The following TMPRSS4 variants were observed in gnomAD, a reference collection of about 807,000 sequenced individuals.
TMPRSS4 encodes the protein transmembrane serine protease 4.
TMPRSS4 carries 45 observed loss-of-function variants against 56.4 expected under a neutral mutation model. The ratio of observed to expected loss-of-function variants is 0.80; its 90% CI spans 0.63 to 1.02. The LOEUF is 1.02. Ranked by LOEUF, TMPRSS4 falls within the 50% of genes least tolerant of loss-of-function variation. TMPRSS4 has a pLI of 0.00. For synonymous variants in TMPRSS4, 205 were observed against 211.0 expected (o/e 0.97, Z 0.25); for missense variants, 546 against 556.7 (o/e 0.98, Z 0.19).
chr11:118,093,678 A>G (rs1946112005), intron 1 of TMPRSS4, among the ~76,000 whole-genome samples: 1 of 152,198 alleles, frequency 6.6e-6, no homozygotes, highest in Admixed American at 6.5e-5. Context: ...GCACATATGT[A>G]GTAAAGTACT....
downstream of TMPRSS4, among the ~76,000 whole-genome samples, chr11:118,124,568 C>G (rs1246375073): frequency 6.6e-6 from 1 of 151,948 alleles, no homozygotes; most frequent in African/African-American, 2.4e-5. Flanking sequence ...CTTATATAAA[C>G]ACAATATAAA....
intron 3 of TMPRSS4, among the ~76,000 whole-genome samples, chr11:118,101,955 T>C (rs1331511495): frequency 2.0e-5 from 3 of 152,186 alleles, no homozygotes; most frequent in Non-Finnish European, 4.4e-5. Flanking sequence ...TCTCTTTTTT[T>C]CTTAATTTTA....
Position 118,119,254 on chromosome 11 carries a change from A to T in TMPRSS4, c.*1341A>T. Reference sequence around the variant, plus strand: ...GGTCGAGACCTATATGAAGGCTGGCAGTGGAGCTAAACCTGGACACACTGA... The same window carrying T: ...GGTCGAGACCTATATGAAGGCTGGCTGTGGAGCTAAACCTGGACACACTGA... On this transcript the variant is annotated 3_prime_UTR_variant, in exon 13 of 13. Transcript: ENST00000437212. The T allele has an allele frequency of 1.0e-6, 1 of 985,476 alleles. No homozygotes were observed. The highest frequency in any genetic ancestry group is 1.2e-6 in the Non-Finnish European group (1 of 829,944). 61.0% of individuals were successfully genotyped at this position (985,476 alleles called of 1,614,324 possible).
At chr11:118,098,490 T>C (rs1946535303) in intron 2 of TMPRSS4, among the ~76,000 whole-genome samples, 2 of 152,224 alleles carry the variant, frequency 1.3e-5, no homozygotes, top group South Asian at 2.1e-4. Context: ...GTTTGTGGGA[T>C]TGAGGATGCA....
chr11:118,104,002 G>T (rs1216307711), intron 4 of TMPRSS4, among the ~76,000 whole-genome samples: 2 of 152,186 alleles, frequency 1.3e-5, no homozygotes, highest in Non-Finnish European at 1.5e-5. Flanking sequence ...ACTGAGCCAG[G>T]TCCTTTCAAT....
intron 3 of TMPRSS4, among the ~76,000 whole-genome samples, chr11:118,100,109 T>G (rs186872541): frequency 6.6e-6 from 1 of 152,248 alleles, no homozygotes; most frequent in East Asian, 1.9e-4. Flanking sequence ...TGCTGCTGCG[T>G]GACCTTGAGT....
intron 7 of TMPRSS4, among the ~76,000 whole-genome samples, chr11:118,110,487 A>T (rs1054580479): frequency 1.3e-5 from 2 of 151,966 alleles, no homozygotes; most frequent in African/African-American, 4.8e-5. Context: ...GATTACAGGC[A>T]CCCGTCACCA....
chr11:118,079,170 G>A (rs866540660), intron 1 of TMPRSS4, among the ~76,000 whole-genome samples: 2 of 152,082 alleles, frequency 1.3e-5, no homozygotes, highest in African/African-American at 2.4e-5. Flanking sequence ...TTCTAGCCCC[G>A]GAGCTAGCCA....
rs1947692158 is a variant in TMPRSS4, at chr11:118,118,801, C to T, written c.*888C>T. 9 of 985,430 alleles carry T rather than the reference C, an allele frequency of 9.1e-6. No homozygotes were observed. Among genetic ancestry groups the T allele is most frequent in the Non-Finnish European group, 1.1e-5 (9 of 829,940 alleles). The allele number at this position is 985,430 out of a possible 1,614,324, so 61.0% of individuals were successfully genotyped here. On this transcript the variant is annotated 3_prime_UTR_variant, in exon 13 of 13. Transcript: ENST00000437212. Reference sequence around the variant, plus strand: ...CATTCAATCAGGGATCCACAAGTGGCTGGAAAGAAATGCTGGTCCTGTGTC... The same window carrying T: ...CATTCAATCAGGGATCCACAAGTGGTTGGAAAGAAATGCTGGTCCTGTGTC...
chr11:118,100,072 C>T lies in TMPRSS4; in HGVS notation c.157+974C>T, dbSNP rs78609718. Among the ~76,000 whole-genome samples the T allele has an allele frequency of 8.5e-3, 1,295 of 152,184 alleles. 43 individuals carry two copies. In the East Asian group the frequency reaches 0.12, roughly 14 times the overall value. On this transcript the variant is annotated intron_variant, in intron 3 of 12. Coordinates refer to ENST00000437212, the MANE Select transcript of TMPRSS4 (RefSeq NM_019894.4). The stretch of plus-strand genomic sequence containing the variant: ...GGACCAGACTAGGAATCAGGACACC[C>T]GAGACAGGGATTCTGGCTCTGCCTC...
intron 1 of TMPRSS4, among the ~76,000 whole-genome samples, chr11:118,081,590 CCCTGTCCAGGCGTGCGCA>C (rs1945140870): frequency 6.6e-6 from 1 of 152,198 alleles, no homozygotes; most frequent in Non-Finnish European, 1.5e-5. Context: ...ACATGATGGC[CCCTGTCCAGGCGTGCGCA>C]CCTGTCCAGG....
chr11:118,113,352 T>C lies in TMPRSS4; in HGVS notation c.827T>C (p.Ile276Thr). 2 of 1,614,104 alleles carry C rather than the reference T, an allele frequency of 1.2e-6. No homozygotes were observed. Among genetic ancestry groups the C allele is most frequent in the African/African-American group, 1.3e-5 (1 of 75,038 alleles). ...TTCCCATCCCTGGCTGTGGCCAAGATCATCATCATTGAATTCAACCCCATG... is the reference window on the plus strand; with the variant it reads ...TTCCCATCCCTGGCTGTGGCCAAGACCATCATCATTGAATTCAACCCCATG... ...GSFPSLAVAK[I>T]IIIEFNPMYP... Residue 276 changes from isoleucine to threonine, a missense_variant, in exon 9 of 13, where the codon ATC (isoleucine) becomes ACC (threonine). Ile to Thr is a moderately conservative substitution (Grantham distance 89). Coordinates refer to ENST00000437212, the MANE Select transcript of TMPRSS4 (RefSeq NM_019894.4).
At chr11:118,091,399 C>T (rs1945951424) in intron 1 of TMPRSS4, among the ~76,000 whole-genome samples, 1 of 152,162 alleles carries the variant, frequency 6.6e-6, no homozygotes, top group African/African-American at 2.4e-5. Context: ...CTAGAGCTCC[C>T]ATTCTCAGTC....
In TMPRSS4 at chr11:118,118,804, G is replaced by A; in HGVS notation, c.*891G>A. 1.0e-6 allele frequency: 1 copy of A among 985,440 alleles called. No individual in the cohort carries two copies. The highest frequency in any genetic ancestry group is 1.2e-6 in the Non-Finnish European group (1 of 829,936). 61.0% of individuals were successfully genotyped at this position (985,440 alleles called of 1,614,324 possible). On this transcript the variant is annotated 3_prime_UTR_variant, in exon 13 of 13. Coordinates refer to ENST00000437212, the MANE Select transcript of TMPRSS4 (RefSeq NM_019894.4). ...TCAATCAGGGATCCACAAGTGGCTG[G>A]AAAGAAATGCTGGTCCTGTGTCCTA... is the stretch of plus-strand genomic sequence containing the variant.
intron 11 of TMPRSS4, among the ~76,000 whole-genome samples, chr11:118,116,871 C>T (rs1203716977): frequency 6.6e-6 from 1 of 151,948 alleles, no homozygotes; most frequent in East Asian, 1.9e-4. Context: ...GCCACTATGC[C>T]CAGCTAATTT....
At chr11:118,104,079 C>G (rs989271863) in intron 4 of TMPRSS4, among the ~76,000 whole-genome samples, 10 of 152,056 alleles carry the variant, frequency 6.6e-5, no homozygotes, top group Non-Finnish European at 1.5e-4. Flanking sequence ...ACCTTCTTCC[C>G]CCTGGTGCTT....
Position 118,102,474 on chromosome 11 carries a change from G to C in TMPRSS4, c.158-627G>C, listed in dbSNP as rs542813111. On this transcript the variant is annotated intron_variant, in intron 3 of 12. Transcript: ENST00000437212. ...TGTAATCCCAGCACTTTGGGAGGCC[G>C]AGGCGGGTGGATCACCTGAGGTCAG... Among the ~76,000 whole-genome samples, 3 of 152,272 alleles carry C rather than the reference G, an allele frequency of 2.0e-5. No individual in the cohort carries two copies. The South Asian group carries it at 6.2e-4, about 32-fold the overall frequency.
chr11:118,103,102 C>G lies in TMPRSS4; in HGVS notation c.159C>G (p.Ile53Met). ...LASIIIVVVL[I>M]KVILDKYYFL... ...CCTCTCCCTGCACTTGCCTTCCAGT[C>G]AAGGTGATTCTGGATAAATACTACT... The change falls in exon 4 of 13, where the codon ATC becomes ATG. Residue 53 changes from isoleucine to methionine, a missense_variant and splice_region_variant. Ile to Met is a conservative substitution (Grantham distance 10). Transcript: ENST00000437212. 2 of 1,614,062 alleles carry G rather than the reference C, an allele frequency of 1.2e-6. No homozygotes were observed. Among genetic ancestry groups the G allele is most frequent in the Non-Finnish European group, 1.7e-6 (2 of 1,179,984 alleles).
Position 118,099,238 on chromosome 11 carries a change from C to T in TMPRSS4, c.157+140C>T, listed in dbSNP as rs1946590003. On this transcript the variant is annotated intron_variant, in intron 3 of 12. Transcript: ENST00000437212. ...TCAGTAAGAGGCAGTCCCACCCCTG[C>T]CCTCACCCACTCAGTAAGTGGCAGC... The T allele has an allele frequency of 1.5e-5, 9 of 612,696 alleles. No individual in the cohort carries two copies. In the South Asian group the frequency reaches 1.9e-4, roughly 13 times the overall value. The allele number at this position is 612,696 out of a possible 1,614,324, so 38.0% of individuals were successfully genotyped here. A position where few individuals can be genotyped will look rare whatever the true frequency, so the allele number is the denominator to read the frequency against.
Sources: gnomAD v4.1 joint callset for allele counts (sites outside exome capture counted in the v4.1 genomes callset) on GRCh38, gnomAD v4.1.1 for gene constraint, MANE v1.5 for transcripts, NCBI Gene and HGNC (gene_info 2026-07-23, HGNC 2026-07-21) for gene names.